PCSK5: variants seen among roughly 807,000 people sequenced by gnomAD.
PCSK5 encodes the protein prohormone convertase 5.
In PCSK5, 129 loss-of-function variants were observed where a neutral mutation model predicts 233.2. That is an observed-to-expected ratio of 0.55 (90% CI 0.48 to 0.64). PCSK5 has a LOEUF of 0.64. Among genes scored for constraint, PCSK5 ranks in the 30% least tolerant of loss-of-function variants. The pLI, the probability that PCSK5 is intolerant of heterozygous loss-of-function variation, is 0.00. For synonymous variants in PCSK5, 825 were observed against 879.2 expected (o/e 0.94, Z 1.09); for missense variants, 2,076 against 2,430.1 (o/e 0.85, Z 3.06).
At chr9:75,959,391 G>A (rs373935171) in intron 2 of PCSK5, among the ~76,000 whole-genome samples, 2 of 152,168 alleles carry the variant, frequency 1.3e-5, no homozygotes, top group Non-Finnish European at 1.5e-5. Context: ...AGATACCCTA[G>A]GAACCATGTC....
chr9:76,105,847 A>G (rs1297357528), intron 8 of PCSK5, among the ~76,000 whole-genome samples: 2 of 152,240 alleles, frequency 1.3e-5, no homozygotes, highest in Non-Finnish European at 2.9e-5. Flanking sequence ...GTCAAAAGGA[A>G]CAAAGAAAGG....
intron 3 of PCSK5, among the ~76,000 whole-genome samples, chr9:76,023,315 C>G (rs922087257): frequency 1.3e-5 from 2 of 152,060 alleles, no homozygotes; most frequent in Non-Finnish European, 2.9e-5. Context: ...TGCTGGAGAT[C>G]TATGTTTTTA....
At chr9:75,965,984 A>G (rs899759398) in intron 2 of PCSK5, among the ~76,000 whole-genome samples, 2 of 152,206 alleles carry the variant, frequency 1.3e-5, no homozygotes, top group African/African-American at 2.4e-5. Context: ...TCAGGGACAC[A>G]TTATAGACAG....
intron 3 of PCSK5, among the ~76,000 whole-genome samples, chr9:76,017,044 G>T (rs1827976002): frequency 6.6e-6 from 1 of 151,772 alleles, no homozygotes; most frequent in Non-Finnish European, 1.5e-5. Flanking sequence ...TATCATAGTA[G>T]ATGGGGACCA....
At chr9:76,141,254 TAC>T (rs893907824) in intron 10 of PCSK5, among the ~76,000 whole-genome samples, 133 of 151,198 alleles carry the variant, frequency 8.8e-4, no homozygotes, top group Middle Eastern at 3.4e-3. Context: ...CTTAGCAAAG[TAC>T]ACACACACAC....
In PCSK5 at chr9:76,223,391, G is replaced by A. The variant is rs73460357; in HGVS notation, c.2627-4112G>A. Among the ~76,000 whole-genome samples the A allele has an allele frequency of 8.1e-3, 1,228 of 152,288 alleles. 13 individuals carry two copies. Among genetic ancestry groups the A allele is most frequent in the African/African-American group, 0.029 (1,189 of 41,564 alleles). On this transcript the variant is annotated intron_variant, in intron 20 of 37. Coordinates refer to ENST00000674117, the MANE Select transcript of PCSK5 (RefSeq NM_001372043.1). ...TGTAACTTTGGATGCTATGATACAT[G>A]TTCAGTTATTCTGGAAGACTTTATA...
intron 8 of PCSK5, among the ~76,000 whole-genome samples, chr9:76,100,188 G>T (rs1831697462): frequency 6.6e-6 from 1 of 152,144 alleles, no homozygotes; most frequent in African/African-American, 2.4e-5. Flanking sequence ...TTACAGCAAA[G>T]GAAGCGTTCA....
intron 3 of PCSK5, among the ~76,000 whole-genome samples, chr9:76,009,772 C>T (rs77215984): frequency 0.012 from 1,786 of 152,172 alleles, 23 homozygotes; most frequent in South Asian, 0.055. Flanking sequence ...GGAGCAATCA[C>T]AAAAGCTAAG....
At chr9:76,191,169 ATTG>A (rs1427296466) in intron 20 of PCSK5, among the ~76,000 whole-genome samples, 3 of 152,156 alleles carry the variant, frequency 2.0e-5, no homozygotes, top group African/African-American at 4.8e-5. Flanking sequence ...TGTTTAAACT[ATTG>A]TTGTTCAAAA....
chr9:75,996,104 C>A (rs1454701507), intron 3 of PCSK5, among the ~76,000 whole-genome samples: 1 of 152,020 alleles, frequency 6.6e-6, no homozygotes, highest in East Asian at 1.9e-4. Context: ...TTCATTAAAT[C>A]AATAACACAA....
At chr9:76,199,904 AC>A (rs1461694471) in intron 20 of PCSK5, among the ~76,000 whole-genome samples, 2 of 152,050 alleles carry the variant, frequency 1.3e-5, no homozygotes, top group African/African-American at 4.8e-5. Context: ...GACTTCAGAC[AC>A]CCCAACCCCC....
chr9:76,048,219 G>C (rs1464939289), intron 5 of PCSK5, among the ~76,000 whole-genome samples: 2 of 152,098 alleles, frequency 1.3e-5, no homozygotes, highest in African/African-American at 2.4e-5. Context: ...GACTTTTATT[G>C]TTTGTTTGCA....
At chr9:75,925,531 C>T (rs1823447161) in intron 1 of PCSK5, among the ~76,000 whole-genome samples, 3 of 152,148 alleles carry the variant, frequency 2.0e-5, no homozygotes, top group Non-Finnish European at 4.4e-5. Context: ...ATAAATGGGT[C>T]ATGTAAGTGT....
intron 9 of PCSK5, among the ~76,000 whole-genome samples, chr9:76,128,330 A>G (rs999331669): frequency 6.6e-6 from 1 of 152,196 alleles, no homozygotes; most frequent in African/African-American, 2.4e-5. Context: ...TCAGGGCACA[A>G]TTGTTGGAGG....
chr9:76,294,830 C>G (rs1043383282), intron 25 of PCSK5, among the ~76,000 whole-genome samples: 5 of 152,052 alleles, frequency 3.3e-5, no homozygotes, highest in South Asian at 2.1e-4. Flanking sequence ...ACAGACCAAG[C>G]CTGAAATTCA....
At chr9:75,930,577 A>G (rs997733895) in intron 1 of PCSK5, among the ~76,000 whole-genome samples, 1 of 152,220 alleles carries the variant, frequency 6.6e-6, no homozygotes, top group Non-Finnish European at 1.5e-5. Context: ...GGCAAAGGGA[A>G]TCCACTAAAG....
chr9:76,329,059 T>C (rs987959636), intron 33 of PCSK5, among the ~76,000 whole-genome samples: 2 of 150,176 alleles, frequency 1.3e-5, no homozygotes, highest in Admixed American at 1.3e-4. Context: ...CCTCAAGCAG[T>C]CTGCCCTCCT....
intron 17 of PCSK5, among the ~76,000 whole-genome samples, chr9:76,185,689 T>C (rs1350963991): frequency 1.3e-5 from 2 of 152,180 alleles, no homozygotes; most frequent in Admixed American, 1.3e-4. Context: ...TAATTCTTCT[T>C]GGAGAAGGAG....
chr9:76,175,923 C>A (rs181765335), intron 14 of PCSK5, among the ~76,000 whole-genome samples: 1 of 152,072 alleles, frequency 6.6e-6, no homozygotes, highest in Non-Finnish European at 1.5e-5. Context: ...TCCTTGTGAA[C>A]ACTCTGTATG....
Sources: allele counts gnomAD v4.1 joint callset (sites outside exome capture counted in the v4.1 genomes callset), GRCh38; gene constraint gnomAD v4.1.1; transcripts MANE v1.5; gene names NCBI Gene and HGNC (gene_info 2026-07-23, HGNC 2026-07-21).